Variants in ZFYVE28 observed in about 807,000 individuals in gnomAD.
ZFYVE28 encodes zinc finger FYVE-type containing 28, also known as lateral signaling target protein 2 homolog.
Under a neutral mutation model 82.1 loss-of-function variants are expected in ZFYVE28, and 40 were observed. The observed-to-expected ratio is 0.49, with a 90% CI of 0.38 to 0.63. The LOEUF is 0.63. ZFYVE28 is among the 30% of genes least tolerant of loss of function. The pLI, the probability that ZFYVE28 is intolerant of heterozygous loss-of-function variation, is 0.00. For missense variants in ZFYVE28, 1,321 were observed against 1,242.1 expected, an observed-to-expected ratio of 1.06 and a Z score of -0.96; for synonymous variants, 612 against 546.1, an observed-to-expected ratio of 1.12 and a Z score of -1.68.
chr4:2,383,388 C>T (rs542429903), intron 1 of ZFYVE28, among the ~76,000 whole-genome samples: 9 of 152,274 alleles, frequency 5.9e-5, no homozygotes, highest in South Asian at 2.1e-4. Context: ...GCCACCTCCA[C>T]GCAGGAAGTG....
chr4:2,281,693 C>T (rs941129881), intron 8 of ZFYVE28, among the ~76,000 whole-genome samples: 5 of 152,240 alleles, frequency 3.3e-5, no homozygotes, highest in Non-Finnish European at 7.3e-5. Flanking sequence ...AACACATGAA[C>T]TTTGGGGCAC....
At chr4:2,345,787 T>G (rs1415027415) in intron 2 of ZFYVE28, among the ~76,000 whole-genome samples, 1 of 151,364 alleles carries the variant, frequency 6.6e-6, no homozygotes, top group South Asian at 2.1e-4. Context: ...ATCTTTAAAG[T>G]AGCACGAGAA....
chr4:2,363,396 T>G lies in ZFYVE28; in HGVS notation c.40-9323A>C, dbSNP rs533254480. Among the ~76,000 whole-genome samples the G allele has an allele frequency of 1.1e-4, 17 of 152,192 alleles. No individual in the cohort carries two copies. The South Asian group carries it at 3.5e-3, about 32-fold the overall frequency. ...TGACCCTCCCAGGGACTGTAACAGCTTGAGTTAGGGAGGAACCGCCTGGGC... is the reference window on the plus strand; with the variant it reads ...TGACCCTCCCAGGGACTGTAACAGCGTGAGTTAGGGAGGAACCGCCTGGGC... On this transcript the variant is annotated intron_variant, in intron 1 of 12. Coordinates refer to ENST00000290974, the MANE Select transcript of ZFYVE28 (RefSeq NM_020972.3).
At position 2,278,411 on chromosome 4, in the gene ZFYVE28, C is replaced by T. The variant is rs1337324490; in HGVS notation, c.2052-4195G>A. 3.3e-5 allele frequency among the ~76,000 whole-genome samples: 5 copies of T among 151,302 alleles called. No individual in the cohort carries two copies. In the South Asian group the frequency reaches 1.1e-3, roughly 32 times the overall value. ...CCACGTTGCCCAGGCTGGTCTTGAA[C>T]TCCTGGACTCAAGTGATCCACCCAC... is the stretch of plus-strand genomic sequence containing the variant. On this transcript the variant is annotated intron_variant, in intron 8 of 12. Transcript: ENST00000290974.
intron 7 of ZFYVE28, among the ~76,000 whole-genome samples, chr4:2,319,682 G>A (rs1718758161): frequency 6.6e-6 from 1 of 152,218 alleles, no homozygotes; most frequent in African/African-American, 2.4e-5. Flanking sequence ...CCATATGAAG[G>A]AAAGGCGTCG....
intron 8 of ZFYVE28, among the ~76,000 whole-genome samples, chr4:2,299,406 A>C (rs1216071773): frequency 6.6e-6 from 1 of 151,586 alleles, no homozygotes; most frequent in Non-Finnish European, 1.5e-5. Flanking sequence ...GCAGAGCTTT[A>C]AAAGGCTTCA....
At chr4:2,352,840 T>C (rs902255412) in intron 2 of ZFYVE28, among the ~76,000 whole-genome samples, 10 of 152,122 alleles carry the variant, frequency 6.6e-5, no homozygotes, top group African/African-American at 2.4e-4. Flanking sequence ...ACAGAGCCCC[T>C]CCCCAAAGGT....
At chr4:2,347,828 A>T (rs1723812472) in intron 2 of ZFYVE28, among the ~76,000 whole-genome samples, 1 of 152,282 alleles carries the variant, frequency 6.6e-6, no homozygotes, top group East Asian at 1.9e-4. Flanking sequence ...AAAGGCATTC[A>T]TTCTCTAACC....
chr4:2,270,428 G>A lies in ZFYVE28; in HGVS notation c.*297C>T, dbSNP rs1465165161. 1 of 455,022 alleles carries A rather than the reference G, an allele frequency of 2.2e-6. No homozygotes were observed. Among genetic ancestry groups the A allele is most frequent in the South Asian group, 2.3e-5 (1 of 42,668 alleles). 28.2% of individuals were successfully genotyped at this position (455,022 alleles called of 1,614,324 possible). On this transcript the variant is annotated 3_prime_UTR_variant, in exon 13 of 13. Coordinates refer to ENST00000290974, the MANE Select transcript of ZFYVE28 (RefSeq NM_020972.3). The stretch of plus-strand genomic sequence containing the variant: ...CCATAGCCCCAGCAGATCTCCGAGG[G>A]ACCAGTGGGAGGGCCCAGGCCTTCT...
intron 1 of ZFYVE28, among the ~76,000 whole-genome samples, chr4:2,363,880 G>C (rs1726501771): frequency 6.6e-6 from 1 of 152,212 alleles, no homozygotes. Flanking sequence ...CCAAGGCTCA[G>C]AGAGGTTCAC....
intron 8 of ZFYVE28, among the ~76,000 whole-genome samples, chr4:2,303,377 C>T (rs546703008): frequency 3.5e-4 from 54 of 152,270 alleles, no homozygotes; most frequent in African/African-American, 1.2e-3. Flanking sequence ...TGCATCTGTG[C>T]CCCCCACCTT....
intron 2 of ZFYVE28, among the ~76,000 whole-genome samples, chr4:2,352,002 C>T (rs1342965095): frequency 3.9e-5 from 6 of 152,206 alleles, no homozygotes; most frequent in African/African-American, 7.2e-5. Flanking sequence ...GGACCCCCAG[C>T]GTATATCATA....
intron 8 of ZFYVE28, among the ~76,000 whole-genome samples, chr4:2,301,699 A>C (rs1405859621): frequency 2.6e-5 from 4 of 151,872 alleles, no homozygotes; most frequent in Non-Finnish European, 5.9e-5. Flanking sequence ...TGCAGGCCCC[A>C]AACCAAAAAC....
intron 2 of ZFYVE28, among the ~76,000 whole-genome samples, chr4:2,352,686 A>G (rs755670967): frequency 1.7e-4 from 26 of 152,118 alleles, no homozygotes; most frequent in Non-Finnish European, 2.6e-4. Flanking sequence ...ATACATCCCA[A>G]TTAAAGCCTG....
At chr4:2,315,048 T>C (rs1023571922) in intron 7 of ZFYVE28, among the ~76,000 whole-genome samples, 2 of 152,144 alleles carry the variant, frequency 1.3e-5, no homozygotes, top group Admixed American at 6.5e-5. Flanking sequence ...AGTGCTGGGA[T>C]TACAGGCAGG....
intron 1 of ZFYVE28, among the ~76,000 whole-genome samples, chr4:2,358,819 T>G (rs893982914): frequency 6.6e-6 from 1 of 151,960 alleles, no homozygotes; most frequent in Non-Finnish European, 1.5e-5. Context: ...CTTTTTTTTT[T>G]GAGACAGGGT....
At chr4:2,379,138 G>C (rs12331641) in intron 1 of ZFYVE28, among the ~76,000 whole-genome samples, 27,338 of 152,168 alleles carry the variant, frequency 0.18, 2,893 homozygotes, top group African/African-American at 0.3. Context: ...AAGCCCCCCA[G>C]TCTGCACCAT....
intron 8 of ZFYVE28, among the ~76,000 whole-genome samples, chr4:2,281,035 G>A (rs932508989): frequency 2.6e-5 from 4 of 152,222 alleles, no homozygotes; most frequent in African/African-American, 9.6e-5. Context: ...ATCGCTGATG[G>A]CCATCTCAAC....
intron 8 of ZFYVE28, among the ~76,000 whole-genome samples, chr4:2,276,052 A>G (rs1369878863): frequency 6.6e-6 from 1 of 152,262 alleles, no homozygotes; most frequent in Non-Finnish European, 1.5e-5. Context: ...ACTGCCTGGT[A>G]TCTAATTTAG....
Sources: allele counts gnomAD v4.1 joint callset (sites outside exome capture counted in the v4.1 genomes callset), GRCh38; gene constraint gnomAD v4.1.1; transcripts MANE v1.5; gene names NCBI Gene and HGNC (gene_info 2026-07-23, HGNC 2026-07-21).